The following ANKRD31 variants were observed in gnomAD, a reference collection of about 807,000 sequenced individuals.
The protein encoded by ANKRD31 is ankyrin repeat domain 31.
Under a neutral mutation model 186.0 loss-of-function variants are expected in ANKRD31, and 147 were observed. That is an observed-to-expected ratio of 0.79 (90% CI 0.69 to 0.91). The LOEUF (loss-of-function observed/expected upper bound fraction) is 0.91, where lower values mean the gene tolerates loss of function less well. Among genes scored for constraint, ANKRD31 ranks in the 40% least tolerant of loss-of-function variants. The probability of loss-of-function intolerance (pLI) is 0.00; values close to 1 mark genes in which losing one functional copy is unlikely to be tolerated. For missense variants in ANKRD31, 1,986 were observed against 2,148.8 expected (o/e 0.92, Z 1.50); for synonymous variants, 673 against 736.4 (o/e 0.91, Z 1.39).
At chr5:75,173,836 C>T (rs535913333) in intron 10 of ANKRD31, among the ~76,000 whole-genome samples, 143 of 152,242 alleles carry the variant, frequency 9.4e-4, no homozygotes, top group African/African-American at 3.1e-3. Flanking sequence ...ATGCCATCCC[C>T]ACCAAGCTAC....
At chr5:75,168,320 G>A (rs1753067740) in intron 11 of ANKRD31, among the ~76,000 whole-genome samples, 1 of 152,092 alleles carries the variant, frequency 6.6e-6, no homozygotes, top group African/African-American at 2.4e-5. Context: ...GCAACTTTCA[G>A]TAACTGAAAT....
At chr5:75,214,872 A>G (rs911023124) in intron 3 of ANKRD31, among the ~76,000 whole-genome samples, 6 of 152,216 alleles carry the variant, frequency 3.9e-5, no homozygotes, top group African/African-American at 1.4e-4. Flanking sequence ...AAAACTGACT[A>G]TGAGACCAGT....
chr5:75,087,380 G>A (rs576288128), intron 23 of ANKRD31, among the ~76,000 whole-genome samples: 27 of 152,164 alleles, frequency 1.8e-4, no homozygotes, highest in Admixed American at 7.9e-4. Context: ...GGTGGTGCAT[G>A]CCTGTAGTCC....
chr5:75,101,999 A>G (rs971751445), intron 22 of ANKRD31, among the ~76,000 whole-genome samples: 1 of 152,220 alleles, frequency 6.6e-6, no homozygotes, highest in African/African-American at 2.4e-5. Flanking sequence ...TTGGAGGAGA[A>G]GAGGTGCTCT....
Position 75,084,256 on chromosome 5 carries a change from GT to G in ANKRD31, c.5575+15del. ...TTTATCCCACAACGAAGAAATGAGT[GT>G]TGTTCTGTACATACCTGGAAGACAA... On this transcript the variant is annotated intron_variant, in intron 24 of 25. Transcript: ENST00000506364. 3.3e-6 allele frequency: 5 copies of G among 1,515,290 alleles called. No homozygotes were observed. The highest frequency in any genetic ancestry group is 4.4e-6 in the Non-Finnish European group (5 of 1,127,652). 93.9% of individuals were successfully genotyped at this position (1,515,290 alleles called of 1,614,324 possible).
chr5:75,221,018 T>G (rs1757269708), intron 3 of ANKRD31, among the ~76,000 whole-genome samples: 1 of 152,196 alleles, frequency 6.6e-6, no homozygotes, highest in Non-Finnish European at 1.5e-5. Flanking sequence ...TCATGTCCTT[T>G]GCAGCAACAT....
intron 3 of ANKRD31, among the ~76,000 whole-genome samples, chr5:75,219,610 C>T (rs1561546076): frequency 6.8e-6 from 1 of 147,590 alleles, no homozygotes; most frequent in African/African-American, 2.6e-5. Flanking sequence ...AGATACAATG[C>T]TATGACATCC....
chr5:75,179,243 T>C (rs534759611), intron 10 of ANKRD31, among the ~76,000 whole-genome samples: 3 of 152,202 alleles, frequency 2.0e-5, no homozygotes, highest in African/African-American at 7.2e-5. Flanking sequence ...CAATAATTAA[T>C]AGCTTACCAA....
Position 75,147,381 on chromosome 5 carries a change from T to A in ANKRD31, c.2030A>T (p.Asp677Val), listed in dbSNP as rs764633761. 6.5e-7 allele frequency: 1 copy of A among 1,526,916 alleles called. No homozygotes were observed. The highest frequency in any genetic ancestry group is 8.8e-7 in the Non-Finnish European group (1 of 1,142,624). The allele number at this position is 1,526,916 out of a possible 1,614,324, so 94.6% of individuals were successfully genotyped here. The change falls in exon 14 of 26, where the codon GAT (aspartate) becomes GTT (valine). Residue 677 changes from aspartate to valine, a missense_variant. By Grantham distance (152) the Asp-to-Val change is radical. Coordinates refer to ENST00000506364, the MANE Select transcript of ANKRD31 (RefSeq NM_001372053.1). ...ATCTTTTTGGTAATATTCATATACATCTTCTTTATTTATAAATAAACTCGC... is the reference window on the plus strand; with the variant it reads ...ATCTTTTTGGTAATATTCATATACAACTTCTTTATTTATAAATAAACTCGC... ...SKASLFINKE[D>V]VYEYYQKDPK...
rs1274890394 is a variant in ANKRD31 at position 75,146,757 on chromosome 5, T to C, written c.2654A>G (p.Lys885Arg). 2 of 1,536,184 alleles carry C rather than the reference T, an allele frequency of 1.3e-6. No individual in the cohort carries two copies. The highest frequency in any genetic ancestry group is 8.7e-7 in the Non-Finnish European group (1 of 1,146,324). Reference protein sequence around the residue: ...NLVPKDERFNKWENSFLSFVK... With the variant: ...NLVPKDERFNRWENSFLSFVK... ...AAAGGATAGGAAAGAATTTTCCCAT[T>C]TGTTAAATCTCTCATCTTTTGGGAC... The change falls in exon 14 of 26, where the codon AAA becomes AGA. Residue 885 changes from lysine to arginine, a missense_variant. Physicochemically the swap from Lys to Arg is conservative, Grantham distance 26. Transcript: ENST00000506364.
intron 17 of ANKRD31, among the ~76,000 whole-genome samples, chr5:75,133,273 G>A (rs145189625): frequency 1.5e-3 from 231 of 152,120 alleles, no homozygotes; most frequent in African/African-American, 5.3e-3. Context: ...CCCATCTCAC[G>A]TGCAGAGACA....
At chr5:75,103,807 C>T (rs199617782) in intron 22 of ANKRD31, among the ~76,000 whole-genome samples, 8 of 152,024 alleles carry the variant, frequency 5.3e-5, no homozygotes, top group African/African-American at 1.2e-4. Flanking sequence ...AATGAGAACA[C>T]GTGAACACAG....
At chr5:75,126,143 C>T (rs1320729337) in intron 17 of ANKRD31, among the ~76,000 whole-genome samples, 1 of 152,192 alleles carries the variant, frequency 6.6e-6, no homozygotes, top group Non-Finnish European at 1.5e-5. Flanking sequence ...TTTTAAGATT[C>T]ACCCATATTG....
Position 75,104,445 on chromosome 5 carries a change from A to G in ANKRD31, c.5114T>C (p.Val1705Ala), listed in dbSNP as rs1040244734. 6.5e-7 allele frequency: 1 copy of G among 1,537,134 alleles called. No homozygotes were observed. The highest frequency in any genetic ancestry group is 1.4e-5 in the African/African-American group (1 of 73,046). The change falls in exon 22 of 26, where the codon GTG becomes GCG. Residue 1705 changes from valine to alanine, a missense_variant. Val to Ala is a moderately conservative substitution (Grantham distance 64). Transcript: ENST00000506364. ...QGIAVLGSDT[V>A]HQMKPYLKKS... The stretch of plus-strand genomic sequence containing the variant: ...TTTAAGATATGGTTTCATCTGATGC[A>G]CTGTATCACTGCCTAAGACAGCAAT...
chr5:75,129,967 A>C (rs1435083568), intron 17 of ANKRD31, among the ~76,000 whole-genome samples: 1 of 152,218 alleles, frequency 6.6e-6, no homozygotes, highest in Admixed American at 6.5e-5. Context: ...TAGTGTGTTC[A>C]GAATTGGTGG....
intron 2 of ANKRD31, among the ~76,000 whole-genome samples, chr5:75,223,247 C>T (rs569789298): frequency 6.6e-6 from 1 of 151,950 alleles, no homozygotes; most frequent in Admixed American, 6.6e-5. Context: ...TTCTTAACTG[C>T]CACTTTTATG....
chr5:75,143,882 TCAGTGAATAA>T, intron 15 of ANKRD31, 109 bp downstream of exon 15: 1 of 392,364 alleles, frequency 2.5e-6, no homozygotes. Flanking sequence ...GTCATATAAG[TCAGTGAATAA>T]CTACAAAAAG....
At position 75,147,398 on chromosome 5, in the gene ANKRD31, T is replaced by C; in HGVS notation, c.2013A>G (p.Leu671=). Residue 671 remains leucine (L), a synonymous_variant, in exon 14 of 26, where the codon TTA becomes TTG. Coordinates refer to ENST00000506364, the MANE Select transcript of ANKRD31 (RefSeq NM_001372053.1). ...CATATACATCTTCTTTATTTATAAA[T>C]AAACTCGCTTTGCTTCCTTTATTGA... ...VKVNKGSKAS[L]FINKEDVYEY... 4 of 1,523,166 alleles carry C rather than the reference T, an allele frequency of 2.6e-6. No individual in the cohort carries two copies. In the South Asian group the frequency reaches 3.7e-5, roughly 14 times the overall value. The allele number at this position is 1,523,166 out of a possible 1,614,324, so 94.4% of individuals were successfully genotyped here.
intron 10 of ANKRD31, among the ~76,000 whole-genome samples, chr5:75,177,182 A>T (rs1273523783): frequency 6.6e-6 from 1 of 152,202 alleles, no homozygotes; most frequent in African/African-American, 2.4e-5. Flanking sequence ...AAGTTTAGAG[A>T]AAAAAGAATA....
Sources: allele counts gnomAD v4.1 joint callset (sites outside exome capture counted in the v4.1 genomes callset), GRCh38; gene constraint gnomAD v4.1.1; transcripts MANE v1.5; gene names NCBI Gene and HGNC (gene_info 2026-07-23, HGNC 2026-07-21).